Variants in SIN3B observed in about 807,000 individuals in gnomAD.
The protein encoded by SIN3B is SIN3 transcription regulator family member B.
In SIN3B, 19 loss-of-function variants were observed where a neutral mutation model predicts 120.2. That is an observed-to-expected ratio of 0.16 (90% CI 0.11 to 0.23). The LOEUF (loss-of-function observed/expected upper bound fraction) is 0.23. Ranked by LOEUF, SIN3B falls within the 10% of genes least tolerant of loss-of-function variation. The pLI is 1.00. For missense variants in SIN3B, 1,073 were observed against 1,573.0 expected (o/e 0.68, Z 5.38); for synonymous variants, 654 against 653.2 (o/e 1.00, Z -0.02).
At chr19:16,851,833 C>G (rs1399388977) in intron 6 of SIN3B, among the ~76,000 whole-genome samples, 1 of 152,232 alleles carries the variant, frequency 6.6e-6, no homozygotes, top group African/African-American at 2.4e-5. Flanking sequence ...CCTCAGGACT[C>G]TCTCACAGGC....
Position 16,862,778 on chromosome 19 carries a change from G to C in SIN3B, c.1266+219G>C, listed in dbSNP as rs1291275928. ...GTTTTGGCAAAACACAGAGTGCCAG[G>C]GATAACGTGGAGTTCGGCTTATTCA... On this transcript the variant is annotated intron_variant, in intron 9 of 18. Transcript: ENST00000248054. This position sits in a 1 kb window ranked among gnomAD's most constrained non-coding sequence, Gnocchi z 4.7. The C allele has an allele frequency of 9.6e-7, 1 of 1,042,410 alleles. No individual in the cohort carries two copies. Among genetic ancestry groups the C allele is most frequent in the Non-Finnish European group, 1.5e-6 (1 of 673,504 alleles). The allele number at this position is 1,042,410 out of a possible 1,614,324, so 64.6% of individuals were successfully genotyped here.
intron 3 of SIN3B, among the ~76,000 whole-genome samples, chr19:16,838,075 T>C (rs1237561732): frequency 6.6e-6 from 1 of 151,966 alleles, no homozygotes; most frequent in African/African-American, 2.4e-5. Flanking sequence ...AAAAGAAAAC[T>C]GGGCTTGTGC....
rs146192845 is a variant in SIN3B at position 16,871,533 on chromosome 19, C to T, written c.2592+135C>T. 556 of 783,210 alleles carry T rather than the reference C, an allele frequency of 7.1e-4. No homozygotes were observed. The African/African-American group carries it at 9.2e-3, about 13-fold the overall frequency. The allele number at this position is 783,210 out of a possible 1,614,324, so 48.5% of individuals were successfully genotyped here. A position where few individuals can be genotyped will look rare whatever the true frequency, so the allele number is the denominator to read the frequency against. Reference sequence around the variant, plus strand: ...GTTTTTTCTTAATTGAGACAAAATTCGCATAACGTAAAATTAACCATTTTG... The same window carrying T: ...GTTTTTTCTTAATTGAGACAAAATTTGCATAACGTAAAATTAACCATTTTG... On this transcript the variant is annotated intron_variant, in intron 14 of 18. Transcript: ENST00000248054.
At chr19:16,859,000 G>C (rs886510087) in intron 8 of SIN3B, among the ~76,000 whole-genome samples, 1 of 152,018 alleles carries the variant, frequency 6.6e-6, no homozygotes, top group South Asian at 2.1e-4. Context: ...GTGAGACCTC[G>C]TCAGAAACTA....
intron 14 of SIN3B, 114 bp from the exon 15 acceptor site, chr19:16,875,941 G>A (rs890957033): frequency 3.5e-5 from 44 of 1,273,694 alleles, no homozygotes; most frequent in Non-Finnish European, 4.3e-5. Context: ...TCATCCCTGT[G>A]TCATGCACTC....
chr19:16,830,463 A>G (rs1971264780), intron 2 of SIN3B, among the ~76,000 whole-genome samples: 1 of 152,200 alleles, frequency 6.6e-6, no homozygotes, highest in South Asian at 2.1e-4. Flanking sequence ...GATTACAGAT[A>G]GATGGGAAAC....
chr19:16,860,764 G>A (rs1056312346), intron 8 of SIN3B, among the ~76,000 whole-genome samples: 1 of 151,976 alleles, frequency 6.6e-6, no homozygotes, highest in Admixed American at 6.6e-5. Flanking sequence ...ACCACGCCCA[G>A]CTAATTTTTT....
chr19:16,866,614 G>C, intron 12 of SIN3B, 58 bp downstream of exon 12: 3 of 1,538,440 alleles, frequency 2.0e-6, no homozygotes, highest in Non-Finnish European at 2.7e-6. Context: ...TCTCCCGACC[G>C]CCGGGTCTGT....
chr19:16,870,091 C>G lies in SIN3B; in HGVS notation c.2422+16C>G, dbSNP rs753781237. On this transcript the variant is annotated intron_variant, in intron 13 of 18. Coordinates refer to ENST00000248054, the MANE Select transcript of SIN3B (RefSeq NM_001297595.2). ...AAGCAGCCCAGTAAGGCTCCAAAGC[C>G]TGCCGGGAGGCCCCGGGGGGTGCCT... The G allele has an allele frequency of 1.3e-6, 2 of 1,567,452 alleles. No individual in the cohort carries two copies. The highest frequency in any genetic ancestry group is 1.2e-5 in the South Asian group (1 of 86,876).
intron 8 of SIN3B, among the ~76,000 whole-genome samples, chr19:16,860,079 A>G (rs1223772459): frequency 6.6e-6 from 1 of 152,184 alleles, no homozygotes; most frequent in Non-Finnish European, 1.5e-5. Flanking sequence ...TCTTGTTTCC[A>G]TGTTTCAGCA....
At chr19:16,859,748 A>G (rs571144193) in intron 8 of SIN3B, among the ~76,000 whole-genome samples, 2 of 152,300 alleles carry the variant, frequency 1.3e-5, no homozygotes, top group African/African-American at 4.8e-5. Flanking sequence ...TGTGGAATGC[A>G]CATTCACCTT....
chr19:16,856,646 A>G (rs1438476168), intron 8 of SIN3B, among the ~76,000 whole-genome samples: 1 of 151,252 alleles, frequency 6.6e-6, no homozygotes, highest in African/African-American at 2.4e-5. Flanking sequence ...ATCTTGGCTC[A>G]CTGCAACCTC....
In SIN3B at chr19:16,877,536, T is replaced by C. The variant is rs749531355; in HGVS notation, c.2860-9T>C. On this transcript the variant is annotated splice_polypyrimidine_tract_variant and intron_variant, in intron 16 of 18. Coordinates refer to ENST00000248054, the MANE Select transcript of SIN3B (RefSeq NM_001297595.2). ...GGGCATCACGGGCTGTGTCTCTCCC[T>C]GTCCCCAGCACCTGGCTCGGTACGT... 6.3e-7 allele frequency: 1 copy of C among 1,597,178 alleles called. No individual in the cohort carries two copies. The highest frequency in any genetic ancestry group is 1.1e-5 in the South Asian group (1 of 88,164).
rs894614531 is a variant in SIN3B at position 16,830,791 on chromosome 19, A to G, written c.228-703A>G. Among the ~76,000 whole-genome samples, 7 of 152,318 alleles carry G rather than the reference A, an allele frequency of 4.6e-5. No individual in the cohort carries two copies. In the East Asian group the frequency reaches 9.7e-4, roughly 21 times the overall value. ...TTATGCATTGCAATTGTTTGCTCAG[A>G]TGGAAACCTGTGTCATAGTCATCTC... On this transcript the variant is annotated intron_variant, in intron 2 of 18. Transcript: ENST00000248054.
chr19:16,858,781 C>G (rs1173710660), intron 8 of SIN3B, among the ~76,000 whole-genome samples: 1 of 152,048 alleles, frequency 6.6e-6, no homozygotes. Flanking sequence ...GAAACCCCTT[C>G]TCTACTAAAA....
At chr19:16,857,808 T>C (rs996043685) in intron 8 of SIN3B, among the ~76,000 whole-genome samples, 7 of 152,216 alleles carry the variant, frequency 4.6e-5, no homozygotes, top group African/African-American at 1.7e-4. Flanking sequence ...GCCAAATACA[T>C]GACTCAGTCT....
rs144030781 is a variant in SIN3B, at chr19:16,831,164, G to C, written c.228-330G>C. Among the ~76,000 whole-genome samples the C allele has an allele frequency of 1.9e-3, 284 of 152,082 alleles. 1 individual carries two copies. The highest frequency in any genetic ancestry group is 6.8e-3 in the Middle Eastern group (2 of 294). On this transcript the variant is annotated intron_variant, in intron 2 of 18. Coordinates refer to ENST00000248054, the MANE Select transcript of SIN3B (RefSeq NM_001297595.2). ...TGCAGCCTCCGCCTCCCGGGTGCAA[G>C]TGATTCTTGTGCCTCTGCCTCCTGA...
chr19:16,878,715 G>T lies in SIN3B; in HGVS notation c.3381G>T (p.Pro1127=). Residue 1127 remains proline, a synonymous_variant, in exon 19 of 19, where the codon CCG becomes CCT. Transcript: ENST00000248054. Reference sequence around the variant, plus strand: ...ACCGCGTGCAGTACAGCCGCCGCCCGGCCTCGCCCTGACCCGCCCTCATGG... The same window carrying T: ...ACCGCGTGCAGTACAGCCGCCGCCCTGCCTCGCCCTGACCCGCCCTCATGG... ...TRYRVQYSRR[P]ASP 6.2e-7 allele frequency: 1 copy of T among 1,601,804 alleles called. No individual in the cohort carries two copies.
intron 13 of SIN3B, among the ~76,000 whole-genome samples, chr19:16,870,337 G>A (rs1219834619): frequency 1.3e-5 from 2 of 152,072 alleles, no homozygotes; most frequent in East Asian, 1.9e-4. Context: ...TTTCTCATGG[G>A]CTTTCTCGTG....
Sources: gnomAD v4.1 joint callset for allele counts (sites outside exome capture counted in the v4.1 genomes callset) on GRCh38, gnomAD v4.1.1 for gene constraint, Gnocchi (gnomAD v3.1) non-coding constraint, MANE v1.5 for transcripts, NCBI Gene and HGNC (gene_info 2026-07-23, HGNC 2026-07-21) for gene names.